Variants in TRIM37 observed in about 807,000 individuals in gnomAD.
TRIM37 encodes E3 ubiquitin-protein ligase TRIM37.
In TRIM37, 80 loss-of-function variants were observed where a neutral mutation model predicts 129.8. The observed-to-expected ratio is 0.62, with a 90% confidence interval of 0.51 to 0.74. TRIM37 has a LOEUF of 0.74. Ranked by LOEUF, TRIM37 falls within the 30% of genes least tolerant of loss-of-function variation. TRIM37 has a pLI of 0.00. For missense variants in TRIM37, 1,054 were observed against 1,176.5 expected (o/e 0.90, Z 1.52); for synonymous variants, 389 against 387.1 (o/e 1.00, Z -0.06).
chr17:59,104,155 T>G, intron 2 of TRIM37, 138 bp downstream of exon 2: 2 of 709,312 alleles, frequency 2.8e-6, no homozygotes, highest in Non-Finnish European at 4.8e-6. Flanking sequence ...TCATTTATCT[T>G]AGTATTCCTC....
intron 22 of TRIM37, among the ~76,000 whole-genome samples, chr17:59,011,169 G>A (rs887500896): frequency 5.3e-5 from 8 of 150,900 alleles, no homozygotes; most frequent in African/African-American, 7.3e-5. Context: ...ACTCCGTCTC[G>A]GGGAAAAAAA....
intron 2 of TRIM37, among the ~76,000 whole-genome samples, chr17:59,096,466 C>A (rs897205149): frequency 6.7e-6 from 1 of 149,610 alleles, no homozygotes; most frequent in Admixed American, 6.7e-5. Context: ...GCAGGAGAAT[C>A]GCTTGAACCC....
chr17:59,003,358 A>G (rs1322609200), intron 22 of TRIM37, among the ~76,000 whole-genome samples: 1 of 152,162 alleles, frequency 6.6e-6, no homozygotes, highest in African/African-American at 2.4e-5. Flanking sequence ...TTGAGGTTCA[A>G]ATTTTAAGAA....
At chr17:59,082,089 G>A (rs1205124259) in intron 5 of TRIM37, among the ~76,000 whole-genome samples, 6 of 151,296 alleles carry the variant, frequency 4.0e-5, no homozygotes, top group Admixed American at 6.6e-5. Flanking sequence ...GGCCAACATG[G>A]TGAAACCCCA....
downstream of TRIM37, among the ~76,000 whole-genome samples, chr17:58,978,689 C>T (rs191993670): frequency 4.6e-3 from 703 of 151,780 alleles, 3 homozygotes; most frequent in African/African-American, 0.016. Flanking sequence ...CCAGCCTGGG[C>T]GACAAAAAAT....
the TRIM37 span, chr17:58,973,071 TTTAA>T: frequency 1.7e-6 from 1 of 587,914 alleles, no homozygotes; most frequent in Non-Finnish European, 3.0e-6. Context: ...TAACGTCTCT[TTTAA>T]TTGTTTGATT....
In TRIM37 at chr17:59,078,418, C is replaced by T. The variant is rs750382147; in HGVS notation, c.616+1336G>A. 9.3e-4 allele frequency among the ~76,000 whole-genome samples: 142 copies of T among 152,190 alleles called. 1 individual carries two copies. The Middle Eastern group carries it at 0.037, about 40-fold the overall frequency. On this transcript the variant is annotated intron_variant, in intron 7 of 23. Transcript: ENST00000262294. ...AGTAAAATTAATAAACTTAAGAGAT[C>T]TGTACTGTGGTATTATTTGACTTTT...
intron 17 of TRIM37, among the ~76,000 whole-genome samples, chr17:59,036,575 T>C (rs1010909942): frequency 1.3e-5 from 2 of 151,812 alleles, no homozygotes; most frequent in South Asian, 2.1e-4. Flanking sequence ...CTCGAACTCC[T>C]AGGCTCAAGT....
intron 4 of TRIM37, among the ~76,000 whole-genome samples, chr17:59,086,511 T>A (rs9891449): frequency 0.33 from 50,643 of 151,998 alleles, 8,942 homozygotes; most frequent in Middle Eastern, 0.49. Flanking sequence ...AGTGCTGGGA[T>A]TACAAGCATG....
chr17:59,080,340 G>A (rs764987134), intron 6 of TRIM37, among the ~76,000 whole-genome samples: 4 of 152,140 alleles, frequency 2.6e-5, no homozygotes, highest in Non-Finnish European at 4.4e-5. Flanking sequence ...TATCTAAACA[G>A]TAATGTTAAA....
chr17:59,089,412 G>A (rs1407486027), intron 3 of TRIM37, among the ~76,000 whole-genome samples: 5 of 152,178 alleles, frequency 3.3e-5, no homozygotes, highest in African/African-American at 1.2e-4. Context: ...GGAGGCCACA[G>A]CGGGTGGATC....
chr17:58,999,208 TTAGAC>T lies in TRIM37; in HGVS notation c.*164_*168del. The T allele has an allele frequency of 6.6e-7, 1 of 1,507,986 alleles. No individual in the cohort carries two copies. Among genetic ancestry groups the T allele is most frequent in the Non-Finnish European group, 8.8e-7 (1 of 1,131,336 alleles). The allele number at this position is 1,507,986 out of a possible 1,614,324, so 93.4% of individuals were successfully genotyped here. The stretch of plus-strand genomic sequence containing the variant: ...GTTTTTCCCATGTACTACTGCTGTC[TTAGAC>T]TAAACTGTGCCACCTTCCAACAGTT... On this transcript the variant is annotated 3_prime_UTR_variant, in exon 24 of 24. Transcript: ENST00000262294.
At chr17:59,088,915 A>G (rs2044026163) in intron 3 of TRIM37, among the ~76,000 whole-genome samples, 1 of 152,228 alleles carries the variant, frequency 6.6e-6, no homozygotes, top group African/African-American at 2.4e-5. Context: ...AGAAACAAAA[A>G]GCTAAACAAA....
intron 24 of TRIM37, among the ~76,000 whole-genome samples, chr17:58,986,208 CCTT>C (rs1314178375): frequency 7.0e-6 from 1 of 143,138 alleles, no homozygotes; most frequent in African/African-American, 2.5e-5. Context: ...CATTTCCTTT[CCTT>C]CTTTTGAGAT....
Position 59,001,581 on chromosome 17 carries a change from G to A in TRIM37, c.2812+17C>T, listed in dbSNP as rs775421315. 2 of 1,613,742 alleles carry A rather than the reference G, an allele frequency of 1.2e-6. No individual in the cohort carries two copies. Among genetic ancestry groups the A allele is most frequent in the East Asian group, 2.2e-5 (1 of 44,858 alleles). On this transcript the variant is annotated intron_variant, in intron 23 of 23. Coordinates refer to ENST00000262294, the MANE Select transcript of TRIM37 (RefSeq NM_015294.6). Reference sequence around the variant, plus strand: ...GTGGTTTTAGTAATCTGTGTAAAATGACATCATGTGCTGCACCTTCATCCG... The same window carrying A: ...GTGGTTTTAGTAATCTGTGTAAAATAACATCATGTGCTGCACCTTCATCCG...
At chr17:59,042,449 A>T (rs11658889) in intron 16 of TRIM37, among the ~76,000 whole-genome samples, 8,844 of 33,950 alleles carry the variant, frequency 0.26, 676 homozygotes, top group East Asian at 0.34. Context: ...AAAAAAAAAA[A>T]ATATATATAT....
chr17:58,979,851 TTCCAG>T, downstream of TRIM37: 1 of 748,638 alleles, frequency 1.3e-6, no homozygotes, highest in South Asian at 2.1e-5. Context: ...TATAAATTCT[TTCCAG>T]TCAAGTCAGT....
intron 8 of TRIM37, among the ~76,000 whole-genome samples, chr17:59,074,974 G>T (rs2042678820): frequency 6.6e-6 from 1 of 152,098 alleles, no homozygotes. Context: ...AAATAAAAAT[G>T]CTAAATTTTA....
intron 13 of TRIM37, among the ~76,000 whole-genome samples, 190 bp downstream of exon 13, chr17:59,056,685 G>C (rs554852929): frequency 1.2e-3 from 145 of 117,458 alleles, no homozygotes; most frequent in African/African-American, 4.1e-3. Flanking sequence ...AGCCGAGATC[G>C]CGCCAGGGCG....
Sources: allele counts gnomAD v4.1 joint callset (sites outside exome capture counted in the v4.1 genomes callset), GRCh38; gene constraint gnomAD v4.1.1; transcripts MANE v1.5; gene names NCBI Gene and HGNC (gene_info 2026-07-23, HGNC 2026-07-21).